Variants in EPB41 observed in about 807,000 individuals in gnomAD.
The protein encoded by EPB41 is erythrocyte membrane protein band 4.1.
EPB41 carries 65 observed loss-of-function variants against 108.0 expected under a neutral mutation model. That is an observed-to-expected ratio of 0.60 (90% CI 0.49 to 0.74). The LOEUF (loss-of-function observed/expected upper bound fraction) is 0.74. Among genes scored for constraint, EPB41 ranks in the 30% least tolerant of loss-of-function variants. The pLI is 0.00. For synonymous variants in EPB41, 336 were observed against 358.9 expected, an observed-to-expected ratio of 0.94 and a Z score of 0.72; for missense variants, 875 against 1,037.0, an observed-to-expected ratio of 0.84 and a Z score of 2.15.
intron 11 of EPB41, among the ~76,000 whole-genome samples, chr1:29,039,680 G>A (rs924700312): frequency 5.9e-5 from 9 of 152,066 alleles, no homozygotes; most frequent in South Asian, 2.1e-4. Flanking sequence ...TGGGCGTGGC[G>A]GCATATGCCT....
intron 7 of EPB41, among the ~76,000 whole-genome samples, chr1:29,023,370 T>C (rs1218768859): frequency 6.6e-6 from 1 of 151,882 alleles, no homozygotes; most frequent in Non-Finnish European, 1.5e-5. Flanking sequence ...ATATAGTGAA[T>C]ACAAATAGCT....
At chr1:28,933,743 G>A (rs2093859977) in intron 1 of EPB41, among the ~76,000 whole-genome samples, 1 of 151,964 alleles carries the variant, frequency 6.6e-6, no homozygotes, top group Admixed American at 6.6e-5. Flanking sequence ...TAGATTTTTG[G>A]GAAGAATACA....
chr1:29,069,351 A>C, intron 16 of EPB41: 9 of 1,231,190 alleles, frequency 7.3e-6, no homozygotes, highest in Non-Finnish European at 9.1e-6. Flanking sequence ...GGGAATAAAA[A>C]CTTCTCAATT....
At chr1:29,048,781 C>T (rs1412936307) in intron 11 of EPB41, among the ~76,000 whole-genome samples, 1 of 152,040 alleles carries the variant, frequency 6.6e-6, no homozygotes, top group Non-Finnish European at 1.5e-5. Flanking sequence ...ATGTTCCAGG[C>T]ACTGTTCTAT....
At chr1:28,961,583 A>T (rs747588107) in intron 1 of EPB41, among the ~76,000 whole-genome samples, 1 of 152,192 alleles carries the variant, frequency 6.6e-6, no homozygotes, top group African/African-American at 2.4e-5. Context: ...TAACATGGGG[A>T]TAATATCTCT....
intron 4 of EPB41, among the ~76,000 whole-genome samples, chr1:29,001,324 C>T (rs145134291): frequency 9.9e-5 from 15 of 151,944 alleles, no homozygotes; most frequent in East Asian, 3.9e-4. Flanking sequence ...AGCGAGATCC[C>T]GTCTCAAAAA....
intron 1 of EPB41, among the ~76,000 whole-genome samples, chr1:28,945,170 A>G (rs1231264519): frequency 6.6e-6 from 1 of 152,114 alleles, no homozygotes; most frequent in Non-Finnish European, 1.5e-5. Flanking sequence ...TACCATCTAA[A>G]ATTGTTCTTA....
chr1:28,913,916 T>G (rs1436009377), upstream of EPB41, among the ~76,000 whole-genome samples: 1 of 152,162 alleles, frequency 6.6e-6, no homozygotes, highest in Non-Finnish European at 1.5e-5. Flanking sequence ...CAGGGGGGAA[T>G]TAGGAGATCC....
chr1:28,892,487 T>C (rs204085), intron 1 of EPB41, among the ~76,000 whole-genome samples: 96,948 of 151,904 alleles, frequency 0.64, 31,594 homozygotes, highest in East Asian at 0.91. Context: ...TTTGGGAGGC[T>C]GAGGTGGGTA....
chr1:28,938,282 T>C lies in EPB41; in HGVS notation c.-8+23514T>C, dbSNP rs1055073069. ...ATGTCTACTGCACTGAATCTGTAGA[T>C]TAATTTGGGAATATTGCCATCTTAA... On this transcript the variant is annotated intron_variant, in intron 1 of 20. Coordinates refer to ENST00000343067, the MANE Select transcript of EPB41 (RefSeq NM_001376013.1). Among the ~76,000 whole-genome samples, 22 of 152,324 alleles carry C rather than the reference T, an allele frequency of 1.4e-4. No individual in the cohort carries two copies. The South Asian group carries it at 2.7e-3, about 19-fold the overall frequency.
chr1:28,903,524 T>A (rs1486388809), intron 1 of EPB41, among the ~76,000 whole-genome samples: 1 of 151,900 alleles, frequency 6.6e-6, no homozygotes, highest in African/African-American at 2.4e-5. Context: ...AAGGTTTCAC[T>A]GGCCAGGCTG....
intron 8 of EPB41, among the ~76,000 whole-genome samples, chr1:29,032,493 T>A (rs1334834856): frequency 6.6e-6 from 1 of 152,196 alleles, no homozygotes; most frequent in African/African-American, 2.4e-5. Context: ...TATACTCATT[T>A]TGGGGGAAAG....
At position 28,887,650 on chromosome 1, in the gene EPB41, G is replaced by C; in HGVS notation, c.-8+440G>C. ...CTGGAGCGGGCTGGCGGCTAGCAGC[G>C]GGAGGGGGCTCCGGGGCCTGGAGCC... On this transcript the variant is annotated intron_variant, in intron 1 of 16. Transcript: ENST00000347529. The surrounding 1 kb of genome is among the most constrained non-coding windows in gnomAD (Gnocchi z 4.9). 1 of 985,248 alleles carries C rather than the reference G, an allele frequency of 1.0e-6. No individual in the cohort carries two copies. Among genetic ancestry groups the C allele is most frequent in the Non-Finnish European group, 1.2e-6 (1 of 829,840 alleles). 61.0% of individuals were successfully genotyped at this position (985,248 alleles called of 1,614,324 possible). A position where few individuals can be genotyped will look rare whatever the true frequency, so the allele number is the denominator to read the frequency against.
At chr1:28,979,625 A>G (rs2095687515) in intron 1 of EPB41, among the ~76,000 whole-genome samples, 3 of 145,972 alleles carry the variant, frequency 2.1e-5, no homozygotes, top group Admixed American at 1.3e-4. Flanking sequence ...AAGAGGATAG[A>G]CTTCTTATAT....
intron 1 of EPB41, among the ~76,000 whole-genome samples, chr1:28,896,160 C>A (rs557936935): frequency 1.3e-5 from 2 of 152,318 alleles, no homozygotes; most frequent in East Asian, 3.9e-4. Context: ...AACCTACCTA[C>A]CTCTTAGGCT....
intron 17 of EPB41, among the ~76,000 whole-genome samples, chr1:29,098,815 C>T (rs1011892918): frequency 6.6e-6 from 1 of 151,862 alleles, no homozygotes; most frequent in African/African-American, 2.4e-5. Context: ...GTGATGATCT[C>T]AGCTCACTGC....
At chr1:28,988,679 A>C (rs889941956) in intron 2 of EPB41, among the ~76,000 whole-genome samples, 4 of 152,154 alleles carry the variant, frequency 2.6e-5, no homozygotes, top group African/African-American at 9.7e-5. Flanking sequence ...TACTCTAAAA[A>C]AATTAATGTA....
intron 1 of EPB41, among the ~76,000 whole-genome samples, chr1:28,916,609 C>T (rs1313467466): frequency 1.3e-5 from 2 of 152,178 alleles, no homozygotes; most frequent in Non-Finnish European, 2.9e-5. Flanking sequence ...TGCACTTCAA[C>T]CTGGGCAACA....
intron 16 of EPB41, among the ~76,000 whole-genome samples, chr1:29,075,788 C>T (rs1312972079): frequency 6.6e-6 from 1 of 152,122 alleles, no homozygotes; most frequent in Non-Finnish European, 1.5e-5. Flanking sequence ...TGTCACCCAC[C>T]AGCAAAGTAC....
Sources: gnomAD v4.1 joint callset for allele counts (sites outside exome capture counted in the v4.1 genomes callset) on GRCh38, gnomAD v4.1.1 for gene constraint, Gnocchi (gnomAD v3.1) non-coding constraint, MANE v1.5 for transcripts, NCBI Gene and HGNC (gene_info 2026-07-23, HGNC 2026-07-21) for gene names.